Variants in CLMN observed in about 807,000 individuals in gnomAD.
The protein encoded by CLMN is calmin.
A neutral mutation model predicts 92.7 loss-of-function variants in CLMN; 57 were observed. The ratio of observed to expected loss-of-function variants is 0.61; its 90% CI spans 0.50 to 0.77. The LOEUF (loss-of-function observed/expected upper bound fraction) is 0.77. Ranked by LOEUF, CLMN falls within the 30% of genes least tolerant of loss-of-function variation. The pLI, the probability that CLMN is intolerant of heterozygous loss-of-function variation, is 0.00. For missense variants in CLMN, 1,158 were observed against 1,237.5 expected, an observed-to-expected ratio of 0.94 and a Z score of 0.96; for synonymous variants, 466 against 470.6, an observed-to-expected ratio of 0.99 and a Z score of 0.13.
At chr14:95,197,964 T>G (rs949142333) in intron 9 of CLMN, among the ~76,000 whole-genome samples, 1 of 152,104 alleles carries the variant, frequency 6.6e-6, no homozygotes, top group African/African-American at 2.4e-5. Flanking sequence ...AGCAGAGGGC[T>G]TATTTATTTT....
chr14:95,285,737 C>T (rs1054899986), intron 1 of CLMN, among the ~76,000 whole-genome samples: 1 of 152,114 alleles, frequency 6.6e-6, no homozygotes, highest in East Asian at 1.9e-4. Context: ...ATATATGCTC[C>T]AGGATGAGGT....
intron 1 of CLMN, among the ~76,000 whole-genome samples, chr14:95,308,745 T>C (rs1901394674): frequency 6.6e-6 from 1 of 152,204 alleles, no homozygotes; most frequent in African/African-American, 2.4e-5. Context: ...CTGTATATTA[T>C]ACATATTGTA....
At position 95,189,383 on chromosome 14, in the gene CLMN, G is replaced by GT. The variant is rs1311180535; in HGVS notation, c.*2180dup. 1 of 152,144 alleles carries GT rather than the reference G, an allele frequency of 6.6e-6. No homozygotes were observed. The highest frequency in any genetic ancestry group is 2.4e-5 in the African/African-American group (1 of 41,428). 9.4% of individuals were successfully genotyped at this position (152,144 alleles called of 1,614,324 possible). ...TTAAAAAAAATTTACAAGCAATGGG[G>GT]TGGTTTGTCCTGCAGACTTCCACAT... is the stretch of plus-strand genomic sequence containing the variant. On this transcript the variant is annotated 3_prime_UTR_variant, in exon 13 of 13. Transcript: ENST00000298912.
intron 9 of CLMN, among the ~76,000 whole-genome samples, chr14:95,197,267 AAAG>A (rs1896742763): frequency 6.6e-6 from 1 of 151,838 alleles, no homozygotes; most frequent in Non-Finnish European, 1.5e-5. Flanking sequence ...AAGAAGAAGA[AAAG>A]AGGAGGAGGA....
At chr14:95,274,200 T>C (rs145991777) in intron 1 of CLMN, among the ~76,000 whole-genome samples, 1 of 152,172 alleles carries the variant, frequency 6.6e-6, no homozygotes, top group Admixed American at 6.5e-5. Flanking sequence ...CTCCTGAACG[T>C]GTTTAGCCGT....
chr14:95,229,930 G>A (rs553580555), intron 2 of CLMN, 142 bp downstream of exon 2: 42 of 735,904 alleles, frequency 5.7e-5, no homozygotes, highest in South Asian at 2.7e-4. Context: ...CTTGGTAACC[G>A]GCAGGGGGAG....
chr14:95,279,981 T>TC (rs1427510627), intron 1 of CLMN, among the ~76,000 whole-genome samples: 1 of 152,078 alleles, frequency 6.6e-6, no homozygotes, highest in African/African-American at 2.4e-5. Context: ...TGTTTTTTTT[T>TC]TTTGCCTAGT....
At position 95,203,182 on chromosome 14, in the gene CLMN, G is replaced by A. The variant is rs780106949; in HGVS notation, c.2167C>T (p.Pro723Ser). The A allele has an allele frequency of 3.7e-6, 6 of 1,613,020 alleles. No individual in the cohort carries two copies. The highest frequency in any genetic ancestry group is 4.2e-6 in the Non-Finnish European group (5 of 1,180,016). ...SPPLSKVSVIPHDLFYFPHYE... is the reference protein window; with the variant it reads ...SPPLSKVSVISHDLFYFPHYE... ...TGTGGGAAATAGAAGAGGTCGTGGGGAATGACGGAAACCTTTGAGAGGGGT... is the reference window on the plus strand; with the variant it reads ...TGTGGGAAATAGAAGAGGTCGTGGGAAATGACGGAAACCTTTGAGAGGGGT... The change falls in exon 9 of 13, where the codon CCC becomes TCC. Residue 723 changes from proline (P) to serine (S), a missense_variant. Pro to Ser is a moderately conservative substitution (Grantham distance 74, BLOSUM62 -1). Transcript: ENST00000298912.
At chr14:95,279,778 G>A (rs368227391) in intron 1 of CLMN, among the ~76,000 whole-genome samples, 2 of 152,138 alleles carry the variant, frequency 1.3e-5, no homozygotes, top group South Asian at 2.1e-4. Context: ...GCGAGACTCC[G>A]TCTCAAAAAA....
At chr14:95,227,507 T>G (rs1212718822) in intron 2 of CLMN, among the ~76,000 whole-genome samples, 1 of 152,144 alleles carries the variant, frequency 6.6e-6, no homozygotes, top group Non-Finnish European at 1.5e-5. Context: ...GAATACCCCC[T>G]GATAAATGGA....
Position 95,196,692 on chromosome 14 carries a change from G to A in CLMN, c.2514C>T (p.Ser838=). The A allele has an allele frequency of 1.9e-6, 3 of 1,611,958 alleles. No homozygotes were observed. The highest frequency in any genetic ancestry group is 2.5e-6 in the Non-Finnish European group (3 of 1,179,270). ...KENDPMDSHQ[S]QESPNLENIA... is the part of the protein sequence containing the mutation. The stretch of plus-strand genomic sequence containing the variant: ...TGTTTTCCAGGTTTGGGGATTCCTG[G>A]GACTGAAAGACAGAACAACCAAATC... Residue 838 remains serine, a splice_region_variant and synonymous_variant, in exon 10 of 13, where the codon TCC becomes TCT. Transcript: ENST00000298912.
At chr14:95,220,795 C>T (rs767389107) in intron 4 of CLMN, among the ~76,000 whole-genome samples, 11 of 152,216 alleles carry the variant, frequency 7.2e-5, no homozygotes, top group Admixed American at 6.5e-5. Context: ...CTGAGACGAC[C>T]ACAAAGCAGA....
chr14:95,311,144 G>A (rs1003053930), intron 1 of CLMN, among the ~76,000 whole-genome samples: 21 of 152,088 alleles, frequency 1.4e-4, no homozygotes, highest in Admixed American at 9.2e-4. Context: ...GGGAAGAGGC[G>A]CATGAACAGT....
At chr14:95,297,078 CTA>C (rs1449372154) in intron 1 of CLMN, among the ~76,000 whole-genome samples, 1 of 152,150 alleles carries the variant, frequency 6.6e-6, no homozygotes, top group Non-Finnish European at 1.5e-5. Context: ...CATTGGACTC[CTA>C]TCTGTGGCTT....
intron 1 of CLMN, among the ~76,000 whole-genome samples, chr14:95,281,332 C>G (rs1566911742): frequency 6.6e-6 from 1 of 152,160 alleles, no homozygotes; most frequent in Non-Finnish European, 1.5e-5. Context: ...ATTCTTGCTG[C>G]ACATTATACA....
At chr14:95,274,850 G>A (rs1899861770) in intron 1 of CLMN, among the ~76,000 whole-genome samples, 2 of 152,026 alleles carry the variant, frequency 1.3e-5, no homozygotes, top group South Asian at 4.1e-4. Context: ...TTGGTGGCAG[G>A]CGCCTGTAGT....
chr14:95,255,137 G>A (rs1376875607), intron 1 of CLMN, among the ~76,000 whole-genome samples: 1 of 152,324 alleles, frequency 6.6e-6, no homozygotes, highest in African/African-American at 2.4e-5. Flanking sequence ...AGGGGCAGGG[G>A]ACGGCCATCT....
At position 95,319,077 on chromosome 14, in the gene CLMN, G is replaced by C. The variant is rs117628493; in HGVS notation, c.82+634C>G. ...GTGCCCAGGCAGGGTCGGAGTTGGG[G>C]GCCAGCGTGGGGGAAGGGTGGGGCT... On this transcript the variant is annotated intron_variant, in intron 1 of 12. Transcript: ENST00000298912. Among the ~76,000 whole-genome samples the C allele has an allele frequency of 8.5e-3, 1,299 of 152,242 alleles. 14 individuals carry two copies. Among genetic ancestry groups the C allele is most frequent in the Non-Finnish European group, 9.0e-3 (609 of 68,006 alleles).
At chr14:95,272,604 C>A (rs1273139543) in intron 1 of CLMN, among the ~76,000 whole-genome samples, 3 of 152,188 alleles carry the variant, frequency 2.0e-5, no homozygotes, top group African/African-American at 7.2e-5. Context: ...TTTAGTACGA[C>A]AATACACCAG....
Sources: gnomAD v4.1 joint callset for allele counts (sites outside exome capture counted in the v4.1 genomes callset) on GRCh38, gnomAD v4.1.1 for gene constraint, MANE v1.5 for transcripts, NCBI Gene and HGNC (gene_info 2026-07-23, HGNC 2026-07-21) for gene names.